Variants in DLAT observed in about 807,000 individuals in gnomAD.
DLAT encodes dihydrolipoamide S-acetyltransferase.
A neutral mutation model predicts 68.0 loss-of-function variants in DLAT; 43 were observed. The observed-to-expected ratio is 0.63, with a 90% confidence interval of 0.50 to 0.81. The LOEUF (loss-of-function observed/expected upper bound fraction) is 0.81, where lower values mean the gene tolerates loss of function less well. Ranked by LOEUF, DLAT falls within the 40% of genes least tolerant of loss-of-function variation. DLAT has a pLI of 0.00. For synonymous variants in DLAT, 265 were observed against 288.6 expected (o/e 0.92, Z 0.83); for missense variants, 745 against 815.4 (o/e 0.91, Z 1.05).
chr11:112,045,992 A>G (rs1555181445), intron 10 of DLAT, 22 bp downstream of exon 10: 4 of 1,431,460 alleles, frequency 2.8e-6, no homozygotes, highest in African/African-American at 2.8e-5. Context: ...GAAAATTCCA[A>G]CTTTCTAAGT....
At position 112,037,284 on chromosome 11, in the gene DLAT, C is replaced by T. The variant is rs1862823476; in HGVS notation, c.799C>T (p.Gln267Ter). The T allele has an allele frequency of 1.2e-6, 2 of 1,613,918 alleles. No homozygotes were observed. Among genetic ancestry groups the T allele is most frequent in the South Asian group, 2.2e-5 (2 of 91,080 alleles). Reference sequence around the variant, plus strand: ...TCTTTCTATTTAAGGTTTTGAAGTACAGGAAGAAGGTTATCTGGCAAAAAT... The same window carrying T: ...TCTTTCTATTTAAGGTTTTGAAGTATAGGAAGAAGGTTATCTGGCAAAAAT... ...TDKATIGFEV[Q>*]EEGYLAKILV... The change falls in exon 6 of 14, where the codon CAG becomes TAG. Residue 267 changes from glutamine (Q) to a stop codon, truncating the protein, a stop_gained. Coordinates refer to ENST00000280346, the MANE Select transcript of DLAT (RefSeq NM_001931.5). LOFTEE classifies it high-confidence loss of function.
At chr11:112,059,044 T>G (rs1345610055) in intron 11 of DLAT, among the ~76,000 whole-genome samples, 1 of 151,272 alleles carries the variant, frequency 6.6e-6, no homozygotes, top group Non-Finnish European at 1.5e-5. Flanking sequence ...GAAGATCTGA[T>G]ATTGTGTAAA....
Position 112,025,436 on chromosome 11 carries a change from C to T in DLAT, c.-37C>T, listed in dbSNP as rs376993030. ...GCTCTTGGAGAGGTCACTCCGGAGACGGCGTTGGTTTTGGGGTGTGGGGGG... is the reference window on the plus strand; with the variant it reads ...GCTCTTGGAGAGGTCACTCCGGAGATGGCGTTGGTTTTGGGGTGTGGGGGG... On this transcript the variant is annotated 5_prime_UTR_variant, in exon 1 of 14. The change creates a new upstream start codon in the 5' untranslated region. Coordinates refer to ENST00000280346, the MANE Select transcript of DLAT (RefSeq NM_001931.5). The T allele has an allele frequency of 3.8e-6, 6 of 1,597,424 alleles. No homozygotes were observed. The highest frequency in any genetic ancestry group is 1.7e-5 in the Admixed American group (1 of 57,646).
intron 11 of DLAT, among the ~76,000 whole-genome samples, chr11:112,059,309 G>C (rs1468047772): frequency 6.6e-6 from 1 of 151,478 alleles, no homozygotes; most frequent in Non-Finnish European, 1.5e-5. Flanking sequence ...GATGTTAGAC[G>C]ATATGTGCGA....
intron 4 of DLAT, chr11:112,030,291 C>T (rs587744593): frequency 6.6e-5 from 36 of 549,520 alleles, no homozygotes; most frequent in African/African-American, 3.1e-4. Context: ...GATCTTTGTG[C>T]GGCCAACTTC....
intron 4 of DLAT, among the ~76,000 whole-genome samples, chr11:112,031,013 T>A (rs1862363870): frequency 1.3e-5 from 2 of 152,246 alleles, no homozygotes; most frequent in Non-Finnish European, 2.9e-5. Flanking sequence ...GTTAGGGTTT[T>A]ACCTTAATTA....
At chr11:112,055,020 C>T (rs1555182337) in intron 11 of DLAT, among the ~76,000 whole-genome samples, 1 of 152,122 alleles carries the variant, frequency 6.6e-6, no homozygotes, top group African/African-American at 2.4e-5. Flanking sequence ...ATTATACCTT[C>T]AGAGACCTTT....
At chr11:112,047,296 C>A (rs891766456) in intron 10 of DLAT, among the ~76,000 whole-genome samples, 16 of 152,122 alleles carry the variant, frequency 1.1e-4, no homozygotes, top group Admixed American at 3.3e-4. Context: ...CCTTTGCCCA[C>A]TTTTTGATGG....
At position 112,028,392 on chromosome 11, in the gene DLAT, C is replaced by G; in HGVS notation, c.382-123C>G. The G allele has an allele frequency of 2.5e-6, 3 of 1,185,656 alleles. No individual in the cohort carries two copies. The East Asian group carries it at 7.3e-5, about 29-fold the overall frequency. 73.4% of individuals were successfully genotyped at this position (1,185,656 alleles called of 1,614,324 possible). A position where few individuals can be genotyped will look rare whatever the true frequency, so the allele number is the denominator to read the frequency against. On this transcript the variant is annotated intron_variant, in intron 2 of 13. Coordinates refer to ENST00000280346, the MANE Select transcript of DLAT (RefSeq NM_001931.5). ...CGAGATTGCACCACTGCACTCCAGC[C>G]TTGGTGACAGAATGAGACTCTGTGT...
chr11:112,032,326 TACA>T (rs35866787), intron 4 of DLAT, among the ~76,000 whole-genome samples: 5,524 of 152,194 alleles, frequency 0.036, 342 homozygotes, highest in African/African-American at 0.12. Flanking sequence ...ATATATTATA[TACA>T]ACAAGTTGTT....
intron 10 of DLAT, among the ~76,000 whole-genome samples, chr11:112,049,682 A>G (rs1192306370): frequency 6.6e-6 from 1 of 151,850 alleles, no homozygotes; most frequent in Non-Finnish European, 1.5e-5. Context: ...ATAACAATTC[A>G]TTTTTCTATA....
intron 10 of DLAT, among the ~76,000 whole-genome samples, chr11:112,047,119 C>T (rs1195814491): frequency 6.6e-6 from 1 of 151,950 alleles, no homozygotes; most frequent in Admixed American, 6.6e-5. Flanking sequence ...CTCCACATTC[C>T]AGCATCTGTT....
Position 112,026,771 on chromosome 11 carries a change from C to G in DLAT, c.381+472C>G, listed in dbSNP as rs1862043957. On this transcript the variant is annotated intron_variant, in intron 2 of 13. Transcript: ENST00000280346. ...CTCAATCTTTTCCCCACCTTTCCCC[C>G]CTTTCTATTCCACAAAACCGCCATT... Among the ~76,000 whole-genome samples, 5 of 152,326 alleles carry G rather than the reference C, an allele frequency of 3.3e-5. No individual in the cohort carries two copies. The South Asian group carries it at 1.0e-3, about 32-fold the overall frequency.
intron 11 of DLAT, among the ~76,000 whole-genome samples, chr11:112,058,082 C>T (rs1261506837): frequency 6.6e-6 from 1 of 152,088 alleles, no homozygotes; most frequent in African/African-American, 2.4e-5. Flanking sequence ...TATTTCTATA[C>T]TTAGATGAAG....
intron 6 of DLAT, among the ~76,000 whole-genome samples, chr11:112,037,661 A>G (rs1862844290): frequency 6.6e-6 from 1 of 152,148 alleles, no homozygotes; most frequent in South Asian, 2.1e-4. Flanking sequence ...TGGGCCTTGT[A>G]GCTTTTTTCT....
At chr11:112,046,021 C>A in intron 10 of DLAT, 51 bp downstream of exon 10, 1 of 1,021,986 alleles carries the variant, frequency 9.8e-7, no homozygotes, top group Non-Finnish European at 1.5e-6. Context: ...TTTTGTCTTT[C>A]CCCACCAAAC....
chr11:112,043,320 C>T, intron 7 of DLAT, 146 bp from the exon 8 acceptor site: 1 of 758,490 alleles, frequency 1.3e-6, no homozygotes, highest in South Asian at 1.5e-5. Flanking sequence ...TAGGTAGCAC[C>T]TTAAGGGGTA....
Position 112,051,842 on chromosome 11 carries a change from A to C in DLAT, c.1514+493A>C, listed in dbSNP as rs1863657764. ...GTCACAAAGCAGGGTTAAACAGATGATTTTCATTCTCCTGAACTTTACGGG... is the reference window on the plus strand; with the variant it reads ...GTCACAAAGCAGGGTTAAACAGATGCTTTTCATTCTCCTGAACTTTACGGG... On this transcript the variant is annotated intron_variant, in intron 11 of 13. Coordinates refer to ENST00000280346, the MANE Select transcript of DLAT (RefSeq NM_001931.5). This position sits in a 1 kb window ranked among gnomAD's most constrained non-coding sequence, Gnocchi z 4.3. Among the ~76,000 whole-genome samples, 1 of 152,180 alleles carries C rather than the reference A, an allele frequency of 6.6e-6. No homozygotes were observed. Among genetic ancestry groups the C allele is most frequent in the Non-Finnish European group, 1.5e-5 (1 of 68,042 alleles).
chr11:112,060,158 ATTTTTTTT>A (rs782188808), intron 12 of DLAT, 93 bp downstream of exon 12: 23 of 568,674 alleles, frequency 4.0e-5, no homozygotes, highest in Non-Finnish European at 5.9e-5. Flanking sequence ...CTGTCACGTA[ATTTTTTTT>A]TTTTTTTTTT....
Sources: allele counts gnomAD v4.1 joint callset (sites outside exome capture counted in the v4.1 genomes callset), GRCh38; gene constraint gnomAD v4.1.1; non-coding constraint Gnocchi (gnomAD v3.1); transcripts MANE v1.5; gene names NCBI Gene and HGNC (gene_info 2026-07-23, HGNC 2026-07-21).